CASR: variants seen among roughly 807,000 people sequenced by gnomAD.
CASR encodes calcium sensing receptor.
A neutral mutation model predicts 69.1 loss-of-function variants in CASR; 23 were observed. The ratio of observed to expected loss-of-function variants is 0.33; its 90% confidence interval spans 0.24 to 0.47. The LOEUF (loss-of-function observed/expected upper bound fraction) is 0.47. CASR is among the 20% of genes least tolerant of loss of function. The pLI is 1.00. For synonymous variants in CASR, 541 were observed against 544.7 expected, an observed-to-expected ratio of 0.99 and a Z score of 0.10; for missense variants, 924 against 1,356.1, an observed-to-expected ratio of 0.68 and a Z score of 5.00.
intron 1 of CASR, among the ~76,000 whole-genome samples, chr3:122,191,217 C>A (rs1400940959): frequency 6.6e-6 from 1 of 152,170 alleles, no homozygotes; most frequent in Non-Finnish European, 1.5e-5. Context: ...TGAGGAAGTT[C>A]TTTCTAAGTA....
rs368596189 is a variant in CASR at position 122,241,900 on chromosome 3, A to C, written c.-242-12048A>C. ...ATACACAAATCAATCAGTGTGATACATCATAACAACAGAACGAAGGACAAA... is the reference window on the plus strand; with the variant it reads ...ATACACAAATCAATCAGTGTGATACCTCATAACAACAGAACGAAGGACAAA... On this transcript the variant is annotated intron_variant, in intron 1 of 6. Coordinates refer to ENST00000639785, the MANE Select transcript of CASR (RefSeq NM_000388.4). Among the ~76,000 whole-genome samples the C allele has an allele frequency of 3.3e-4, 50 of 152,310 alleles. 1 individual carries two copies. In the East Asian group the frequency reaches 9.4e-3, roughly 29 times the overall value.
Position 122,201,699 on chromosome 3 carries a change from G to A in CASR, c.-243+17887G>A, listed in dbSNP as rs963739744. On this transcript the variant is annotated intron_variant, in intron 1 of 6. Transcript: ENST00000639785. ...GCTGACCCCCACCTCCCTCCCGGACGGGGCGGCTGGCTTGGTGGAGACGCT... is the reference window on the plus strand; with the variant it reads ...GCTGACCCCCACCTCCCTCCCGGACAGGGCGGCTGGCTTGGTGGAGACGCT... Among the ~76,000 whole-genome samples the A allele has an allele frequency of 8.1e-5, 12 of 148,074 alleles. No homozygotes were observed. In the South Asian group the frequency reaches 1.3e-3, roughly 15 times the overall value.
At chr3:122,193,453 G>C (rs542952569) in intron 1 of CASR, among the ~76,000 whole-genome samples, 350 of 152,230 alleles carry the variant, frequency 2.3e-3, no homozygotes, top group African/African-American at 8.1e-3. Flanking sequence ...CTGACCTCAA[G>C]TGATCCATCT....
At chr3:122,258,209 T>C (rs1576855297) in intron 3 of CASR, among the ~76,000 whole-genome samples, 1 of 152,324 alleles carries the variant, frequency 6.6e-6, no homozygotes, top group East Asian at 1.9e-4. Context: ...TGTCTGTGGG[T>C]GGGAGAATCA....
At chr3:122,239,637 C>A (rs2074361665) in intron 1 of CASR, among the ~76,000 whole-genome samples, 1 of 152,198 alleles carries the variant, frequency 6.6e-6, no homozygotes, top group Non-Finnish European at 1.5e-5. Flanking sequence ...CGGCTTCAGG[C>A]CTAACCCAGA....
At chr3:122,217,156 A>G (rs930801227) in intron 1 of CASR, among the ~76,000 whole-genome samples, 3 of 150,778 alleles carry the variant, frequency 2.0e-5, no homozygotes, top group Admixed American at 6.6e-5. Context: ...CCCATGCAGG[A>G]GTGCAGCGAC....
intron 4 of CASR, among the ~76,000 whole-genome samples, chr3:122,264,875 T>G (rs1245721130): frequency 6.6e-6 from 1 of 152,338 alleles, no homozygotes; most frequent in Admixed American, 6.5e-5. Context: ...ATTCTCAATA[T>G]TAAGATCTAT....
At chr3:122,219,143 C>A (rs2074147039) in intron 1 of CASR, among the ~76,000 whole-genome samples, 1 of 151,994 alleles carries the variant, frequency 6.6e-6, no homozygotes, top group African/African-American at 2.4e-5. Flanking sequence ...GCTAGAATAA[C>A]CTGACTGATG....
intron 5 of CASR, 149 bp from the exon 6 acceptor site, chr3:122,281,964 G>A (rs2074893629): frequency 9.5e-7 from 1 of 1,055,402 alleles, no homozygotes; most frequent in Middle Eastern, 2.1e-4. Flanking sequence ...AAGGACCTCT[G>A]GACCTCCCTT....
chr3:122,241,836 C>G (rs1366008429), intron 1 of CASR, among the ~76,000 whole-genome samples: 2 of 152,052 alleles, frequency 1.3e-5, no homozygotes, highest in Admixed American at 6.6e-5. Flanking sequence ...TCATCATGAC[C>G]AAGTGGGATC....
Position 122,283,742 on chromosome 3 carries a change from C to T in CASR, c.1788C>T (p.Thr596=), listed in dbSNP as rs142778221. 9.3e-6 allele frequency: 15 copies of T among 1,614,012 alleles called. No homozygotes were observed. The African/African-American group carries it at 1.9e-4, about 20-fold the overall frequency. The part of the protein sequence containing the change: ...PDDFWSNENH[T]SCIAKEIEFL... ...ACTTCTGGTCCAATGAGAACCACAC[C>T]TCCTGCATTGCCAAGGAGATCGAGT... is the stretch of plus-strand genomic sequence containing the variant. Residue 596 remains threonine, a synonymous_variant, in exon 7 of 7, where the codon ACC becomes ACT. Transcript: ENST00000639785.
intron 4 of CASR, among the ~76,000 whole-genome samples, chr3:122,267,783 T>TA (rs549289197): frequency 1.4e-4 from 22 of 152,040 alleles, no homozygotes; most frequent in Non-Finnish European, 2.4e-4. Flanking sequence ...AAAAAGTTGA[T>TA]AAAAAAAATA....
chr3:122,217,265 A>AT lies in CASR; in HGVS notation c.-243+33460dup, dbSNP rs200584622. 8.1e-3 allele frequency among the ~76,000 whole-genome samples: 1,236 copies of AT among 152,080 alleles called. 1 individual carries two copies. The highest frequency in any genetic ancestry group is 0.012 in the Non-Finnish European group (817 of 67,992). Reference sequence around the variant, plus strand: ...AGGCACATGCCACCATGCCCGGTTAATTTTTTTGTAGTTTTTTGTAGAGAC... The same window carrying AT: ...AGGCACATGCCACCATGCCCGGTTAATTTTTTTTGTAGTTTTTTGTAGAGAC... On this transcript the variant is annotated intron_variant, in intron 1 of 6. Transcript: ENST00000639785.
rs761084315 is a variant in CASR, at chr3:122,282,111, A to T, written c.1609-2A>T. ...CTCACCTTTGTGCTGTCTGTCCTCCAGGTGCCCTTCTCCAACTGCAGCCGA... is the reference window on the plus strand; with the variant it reads ...CTCACCTTTGTGCTGTCTGTCCTCCTGGTGCCCTTCTCCAACTGCAGCCGA... On this transcript the variant is annotated splice_acceptor_variant, in intron 5 of 6. Transcript: ENST00000639785. LOFTEE classifies it high-confidence loss of function. 2 of 1,614,222 alleles carry T rather than the reference A, an allele frequency of 1.2e-6. No individual in the cohort carries two copies. Among genetic ancestry groups the T allele is most frequent in the East Asian group, 4.5e-5 (2 of 44,892 alleles).
intron 4 of CASR, among the ~76,000 whole-genome samples, chr3:122,268,482 T>C (rs2074718948): frequency 6.6e-6 from 1 of 152,156 alleles, no homozygotes. Flanking sequence ...GATCAGCCAG[T>C]GGTTTCCAAG....
At position 122,261,670 on chromosome 3, in the gene CASR, T is replaced by C. The variant is rs1576858127; in HGVS notation, c.635T>C (p.Ile212Thr). 6.2e-7 allele frequency: 1 copy of C among 1,614,178 alleles called. No homozygotes were observed. Among genetic ancestry groups the C allele is most frequent in the Non-Finnish European group, 8.5e-7 (1 of 1,180,028 alleles). Residue 212 changes from isoleucine (I) to threonine (T), a missense_variant, in exon 4 of 7, where the codon ATT becomes ACT. Physicochemically the swap from Ile to Thr is moderately conservative, Grantham distance 89. Coordinates refer to ENST00000639785, the MANE Select transcript of CASR (RefSeq NM_000388.4). ...TTCCGCTGGAACTGGGTGGGCACAA[T>C]TGCAGCTGATGACGACTATGGGCGG... ...EYFRWNWVGT[I>T]AADDDYGRPG...
chr3:122,190,100 G>A (rs146740729), intron 1 of CASR, among the ~76,000 whole-genome samples: 4 of 152,206 alleles, frequency 2.6e-5, no homozygotes, highest in African/African-American at 9.6e-5. Flanking sequence ...TTAAACAGCT[G>A]ATGGTGGTGG....
At chr3:122,231,359 A>T (rs1369846502) in intron 1 of CASR, among the ~76,000 whole-genome samples, 1 of 152,236 alleles carries the variant, frequency 6.6e-6, no homozygotes, top group African/African-American at 2.4e-5. Context: ...CAATTCAATT[A>T]GTAAAGGCAC....
chr3:122,208,578 AT>A (rs2074031898), intron 1 of CASR, among the ~76,000 whole-genome samples: 1 of 152,122 alleles, frequency 6.6e-6, no homozygotes, highest in South Asian at 2.1e-4. Context: ...TTGGGCATAG[AT>A]TTTTTTAATG....
Sources: gnomAD v4.1 joint callset for allele counts (sites outside exome capture counted in the v4.1 genomes callset) on GRCh38, gnomAD v4.1.1 for gene constraint, MANE v1.5 for transcripts, NCBI Gene and HGNC (gene_info 2026-07-23, HGNC 2026-07-21) for gene names.